AANAT: variants seen among roughly 807,000 people sequenced by gnomAD.
The protein encoded by AANAT is aralkylamine N-acetyltransferase.
AANAT carries 11 observed loss-of-function variants against 15.6 expected under a neutral mutation model. The ratio of observed to expected loss-of-function variants is 0.71; its 90% CI spans 0.44 to 1.17. The LOEUF (loss-of-function observed/expected upper bound fraction) is 1.17, where lower values mean the gene tolerates loss of function less well. Among genes scored for constraint, AANAT ranks in the 50% most tolerant of loss-of-function variants. The pLI, the probability that AANAT is intolerant of heterozygous loss-of-function variation, is 0.00. For missense variants in AANAT, 286 were observed against 296.3 expected, an observed-to-expected ratio of 0.97 and a Z score of 0.26; for synonymous variants, 139 against 131.5, an observed-to-expected ratio of 1.06 and a Z score of -0.39.
In AANAT at chr17:76,468,815, C is replaced by T; in HGVS notation, c.69C>T (p.Ser23=). Residue 23 remains serine (S), a synonymous_variant, in exon 2 of 4, where the codon TCC becomes TCT. Transcript: ENST00000392492. Reference sequence around the variant, plus strand: ...GTCTGCCACCTGGGATCCCCGAGTCCCCGAGCTGTCAGCGGCGCCACACAC... The same window carrying T: ...GTCTGCCACCTGGGATCCCCGAGTCTCCGAGCTGTCAGCGGCGCCACACAC... ...APRLPPGIPE[S]PSCQRRHTLP... is the part of the protein sequence containing the mutation. 2 of 1,613,556 alleles carry T rather than the reference C, an allele frequency of 1.2e-6. No individual in the cohort carries two copies. The highest frequency in any genetic ancestry group is 1.1e-5 in the South Asian group (1 of 91,066).
In AANAT at chr17:76,468,901, A is replaced by C. The variant is rs780657008; in HGVS notation, c.155A>C (p.Glu52Ala). 1.2e-6 allele frequency: 2 copies of C among 1,613,134 alleles called. No homozygotes were observed. Among genetic ancestry groups the C allele is most frequent in the Non-Finnish European group, 1.7e-6 (2 of 1,179,812 alleles). Residue 52 changes from glutamate (E) to alanine (A), a missense_variant, in exon 2 of 4, where the codon GAG becomes GCG. Physicochemically the swap from Glu to Ala is moderately radical, Grantham distance 107 (BLOSUM62 -1). Transcript: ENST00000392492. Reference protein sequence around the residue: ...PEDAVSAFEIEREAFISVLGV... With the variant: ...PEDAVSAFEIAREAFISVLGV... ...GACGCTGTCAGCGCCTTTGAGATCG[A>C]GCGTGAAGGTGAGTGGCCCCGCACA... is the stretch of plus-strand genomic sequence containing the variant.
intron 1 of AANAT, 112 bp downstream of exon 1, chr17:76,467,839 T>C (rs2073456148): frequency 1.2e-5 from 9 of 721,418 alleles, no homozygotes; most frequent in Non-Finnish European, 1.5e-5. Flanking sequence ...TTAAGTGTCT[T>C]GGAAGGTGGA....
chr17:76,460,357 G>A (rs946440733), intron 2 of AANAT, among the ~76,000 whole-genome samples: 18 of 151,712 alleles, frequency 1.2e-4, no homozygotes, highest in African/African-American at 3.9e-4. Flanking sequence ...TTGCCATGTT[G>A]GCCAGGCTGG....
At chr17:76,458,232 A>G (rs1448796161) in intron 1 of AANAT, among the ~76,000 whole-genome samples, 3 of 152,064 alleles carry the variant, frequency 2.0e-5, no homozygotes, top group African/African-American at 7.2e-5. Context: ...TTAGAGAATG[A>G]GACTCAGTAA....
upstream of AANAT, among the ~76,000 whole-genome samples, chr17:76,467,251 A>G (rs2073448074): frequency 2.0e-5 from 3 of 152,172 alleles, no homozygotes; most frequent in East Asian, 5.8e-4. Context: ...ACGTACTTAA[A>G]GTGCACAAAT....
chr17:76,468,850 G>C lies in AANAT; in HGVS notation c.104G>C (p.Ser35Thr). ...CAGCGGCGCCACACACTCCCTGCCA[G>C]TGAGTTTCGCTGCCTCACCCCGGAG... ...SCQRRHTLPA[S>T]EFRCLTPEDA... The change falls in exon 2 of 4, where the codon AGT becomes ACT. Residue 35 changes from serine (S) to threonine (T), a missense_variant. Ser to Thr is a moderately conservative substitution (Grantham distance 58, BLOSUM62 1). Transcript: ENST00000392492. 2.5e-6 allele frequency: 4 copies of C among 1,613,658 alleles called. No individual in the cohort carries two copies. Among genetic ancestry groups the C allele is most frequent in the Non-Finnish European group, 3.4e-6 (4 of 1,180,000 alleles).
chr17:76,467,057 ACAGGGAGAGGGGCCTG>A (rs2073445726), upstream of AANAT, among the ~76,000 whole-genome samples: 1 of 152,080 alleles, frequency 6.6e-6, no homozygotes. Context: ...GTCAGAGCCA[ACAGGGAGAGGGGCCTG>A]CATCCCGAGG....
At chr17:76,467,484 C>T (rs2073451211), upstream of AANAT, 12 of 948,408 alleles carry the variant, frequency 1.3e-5, no homozygotes, top group Non-Finnish European at 1.5e-5. Context: ...CTGACGTTTC[C>T]CTTCAGCAAG....
At chr17:76,454,626 C>T (rs558085765) in intron 1 of AANAT, among the ~76,000 whole-genome samples, 7 of 151,206 alleles carry the variant, frequency 4.6e-5, no homozygotes, top group South Asian at 4.2e-4. Context: ...AGTTCAAGAC[C>T]GCCCTGGCCA....
upstream of AANAT, chr17:76,465,930 G>A (rs2143973884): frequency 2.0e-6 from 1 of 511,230 alleles, no homozygotes; most frequent in Admixed American, 3.0e-5. Context: ...AGTCACTACA[G>A]CCTCGACCTC....
rs971034806 is a variant in AANAT, at chr17:76,468,669, C to A, written c.-75-3C>A. Reference sequence around the variant, plus strand: ...ACCCCTGTCCCTTGCTGTTCTCCAACAGGTGCTGGGAGGCCCTCCTTGGCT... The same window carrying A: ...ACCCCTGTCCCTTGCTGTTCTCCAAAAGGTGCTGGGAGGCCCTCCTTGGCT... On this transcript the variant is annotated splice_region_variant and splice_polypyrimidine_tract_variant and intron_variant, in intron 1 of 3. Coordinates refer to ENST00000392492, the MANE Select transcript of AANAT (RefSeq NM_001088.3). 1 of 1,542,814 alleles carries A rather than the reference C, an allele frequency of 6.5e-7. No homozygotes were observed. Among genetic ancestry groups the A allele is most frequent in the African/African-American group, 1.4e-5 (1 of 73,222 alleles).
upstream of AANAT, among the ~76,000 whole-genome samples, chr17:76,466,811 A>G (rs952931950): frequency 1.3e-5 from 2 of 152,074 alleles, no homozygotes; most frequent in Non-Finnish European, 2.9e-5. Flanking sequence ...AGTGGCACTC[A>G]CAGGCTGCCA....
In AANAT at chr17:76,470,072, A is replaced by T; in HGVS notation, c.*102A>T. The T allele has an allele frequency of 1.6e-6, 2 of 1,262,652 alleles. No homozygotes were observed. The highest frequency in any genetic ancestry group is 1.5e-5 in the African/African-American group (1 of 65,372). The allele number at this position is 1,262,652 out of a possible 1,614,324, so 78.2% of individuals were successfully genotyped here. A position where few individuals can be genotyped will look rare whatever the true frequency, so the allele number is the denominator to read the frequency against. ...ACAGCAGTTTCCAGAGAGTGGAGAGAGCAGGGCTAAATAAAGAGGAGATAA... is the reference window on the plus strand; with the variant it reads ...ACAGCAGTTTCCAGAGAGTGGAGAGTGCAGGGCTAAATAAAGAGGAGATAA... On this transcript the variant is annotated 3_prime_UTR_variant, in exon 4 of 4. Transcript: ENST00000392492.
At chr17:76,462,358 A>G (rs1215485757) in exon 3 of AANAT, 1 of 152,226 alleles carries the variant, frequency 6.6e-6, no homozygotes. Context: ...GGAAGCTTGG[A>G]GAAAGTGATT....
chr17:76,468,760 G>A lies in AANAT; in HGVS notation c.14G>A (p.Ser5Asn). The A allele has an allele frequency of 1.2e-6, 2 of 1,612,506 alleles. No individual in the cohort carries two copies. Among genetic ancestry groups the A allele is most frequent in the Non-Finnish European group, 8.5e-7 (1 of 1,179,626 alleles). The change falls in exon 2 of 4, where the codon AGC becomes AAC. Residue 5 changes from serine to asparagine, a missense_variant. By Grantham distance (46) the Ser-to-Asn change is conservative. Transcript: ENST00000392492. MSTQ[S>N]THPLKPEAPR... ...CCAGTGGCCAGAATGTCCACGCAGA[G>A]CACCCACCCCCTGAAACCTGAGGCC... is the stretch of plus-strand genomic sequence containing the variant.
upstream of AANAT, among the ~76,000 whole-genome samples, chr17:76,463,179 A>AC (rs1300798617): frequency 1.3e-5 from 2 of 151,836 alleles, no homozygotes; most frequent in Non-Finnish European, 1.5e-5. Context: ...GTTTTCTCCA[A>AC]CCCCCGGCCG....
At chr17:76,457,016 A>G (rs971071305) in intron 1 of AANAT, among the ~76,000 whole-genome samples, 1 of 152,132 alleles carries the variant, frequency 6.6e-6, no homozygotes, top group Admixed American at 6.5e-5. Flanking sequence ...TATGTGTCCC[A>G]CGGCGGGATA....
At position 76,454,295 on chromosome 17, in the gene AANAT, C is replaced by T. The variant is rs1318419850; in HGVS notation, c.-576+513C>T. Among the ~76,000 whole-genome samples the T allele has an allele frequency of 4.7e-5, 7 of 148,768 alleles. No homozygotes were observed. In the East Asian group the frequency reaches 1.2e-3, roughly 25 times the overall value. ...ATTGAGACCATCCTGGCCAACATGG[C>T]GAAACCCCATCTCTACTAAAAATAC... On this transcript the variant is annotated intron_variant, in intron 1 of 6. Transcript: ENST00000250615.
intron 2 of AANAT, among the ~76,000 whole-genome samples, chr17:76,461,439 C>T (rs142503878): frequency 5.3e-5 from 8 of 151,486 alleles, no homozygotes; most frequent in Non-Finnish European, 1.0e-4. Flanking sequence ...GGTGAAACCC[C>T]GTCTCTATTA....
Sources: allele counts gnomAD v4.1 joint callset (sites outside exome capture counted in the v4.1 genomes callset), GRCh38; gene constraint gnomAD v4.1.1; transcripts MANE v1.5; gene names NCBI Gene and HGNC (gene_info 2026-07-23, HGNC 2026-07-21).